The following TRIM48 variants were observed in gnomAD, a reference collection of about 807,000 sequenced individuals.
TRIM48 encodes the protein tripartite motif containing 48, also known as E3 ubiquitin-protein ligase TRIM48.
In TRIM48, 31 loss-of-function variants were observed where a neutral mutation model predicts 29.5. The ratio of observed to expected loss-of-function variants is 1.05; its 90% confidence interval spans 0.79 to 1.42. The LOEUF (loss-of-function observed/expected upper bound fraction) is 1.42. TRIM48 is among the 40% of genes most tolerant of loss of function. The pLI is 0.00. For missense variants in TRIM48, 344 were observed against 265.0 expected, an observed-to-expected ratio of 1.30 and a Z score of -2.07; for synonymous variants, 128 against 90.6, an observed-to-expected ratio of 1.41 and a Z score of -2.34.
In TRIM48 at chr11:55,270,791, C is replaced by T. The variant is rs753881070; in HGVS notation, c.*356C>T. 1.0e-4 allele frequency: 163 copies of T among 1,575,388 alleles called. 17 individuals are homozygous for T. The highest frequency in any genetic ancestry group is 1.2e-4 in the Non-Finnish European group (144 of 1,158,628). On this transcript the variant is annotated 3_prime_UTR_variant, in exon 6 of 6. Coordinates refer to ENST00000417545, the MANE Select transcript of TRIM48 (RefSeq NM_024114.5). The stretch of plus-strand genomic sequence containing the variant: ...ATTACACTGCAGTATGTCCCAAGAC[C>T]TACCAACCATGTAGAATTATTCCTG...
chr11:55,264,560 G>A (rs1304395748), intron 1 of TRIM48, among the ~76,000 whole-genome samples: 2 of 147,694 alleles, frequency 1.4e-5, no homozygotes, highest in African/African-American at 4.9e-5. Context: ...TCATATGAAA[G>A]AAGAATAGGA....
In TRIM48 at chr11:55,271,107, C is replaced by T. The variant is rs547733044; in HGVS notation, c.*672C>T. The T allele has an allele frequency of 3.5e-6, 3 of 848,464 alleles. No individual in the cohort carries two copies. Among genetic ancestry groups the T allele is most frequent in the Non-Finnish European group, 5.0e-6 (3 of 601,424 alleles). The allele number at this position is 848,464 out of a possible 1,614,324, so 52.6% of individuals were successfully genotyped here. ...GTGTTACTATTAAATGTAGTAAAAA[C>T]ACTAAAAGTATATATATTGGTTCTT... On this transcript the variant is annotated 3_prime_UTR_variant, in exon 6 of 6. Coordinates refer to ENST00000417545, the MANE Select transcript of TRIM48 (RefSeq NM_024114.5).
chr11:55,263,413 G>A (rs1349036290), intron 1 of TRIM48, among the ~76,000 whole-genome samples: 1 of 152,018 alleles, frequency 6.6e-6, no homozygotes, highest in Non-Finnish European at 1.5e-5. Context: ...AGCACTTTTG[G>A]AGGCCGTGGC....
intron 3 of TRIM48, among the ~76,000 whole-genome samples, chr11:55,268,105 C>T (rs1477074336): frequency 6.8e-6 from 1 of 147,682 alleles, no homozygotes; most frequent in Non-Finnish European, 1.5e-5. Context: ...AGCATAGACT[C>T]TCTGGGCTTC....
At chr11:55,266,264 A>T (rs1453736290) in intron 3 of TRIM48, among the ~76,000 whole-genome samples, 2 of 147,762 alleles carry the variant, frequency 1.4e-5, no homozygotes, top group African/African-American at 4.9e-5. Context: ...AGACATGCAA[A>T]CATGCCCAAA....
Position 55,270,504 on chromosome 11 carries a change from T to A in TRIM48, c.*69T>A, listed in dbSNP as rs1433927300. Reference sequence around the variant, plus strand: ...TCCGATGTGGAGATTTGAGAAGCATTTGTATTGGATGTGACCGTCAAAATC... The same window carrying A: ...TCCGATGTGGAGATTTGAGAAGCATATGTATTGGATGTGACCGTCAAAATC... On this transcript the variant is annotated 3_prime_UTR_variant, in exon 6 of 6. Transcript: ENST00000417545. 3.8e-6 allele frequency: 6 copies of A among 1,576,288 alleles called. 1 individual carries two copies. Among genetic ancestry groups the A allele is most frequent in the Non-Finnish European group, 8.6e-7 (1 of 1,161,326 alleles).
intron 5 of TRIM48, among the ~76,000 whole-genome samples, chr11:55,269,602 A>G (rs1469569511): frequency 1.4e-5 from 2 of 147,588 alleles, no homozygotes; most frequent in Non-Finnish European, 3.0e-5. Context: ...TAGCAAATCT[A>G]AAAAAGGAGC....
chr11:55,263,908 C>A (rs1258228280), intron 1 of TRIM48, among the ~76,000 whole-genome samples: 2 of 152,152 alleles, frequency 1.3e-5, no homozygotes, highest in African/African-American at 4.8e-5. Context: ...TGCCTTTCCT[C>A]TGGCCTTTTC....
chr11:55,268,455 A>G lies in TRIM48; in HGVS notation c.578+83A>G. 2.2e-6 allele frequency: 3 copies of G among 1,341,666 alleles called. 1 individual carries two copies. The East Asian group carries it at 8.0e-5, about 36-fold the overall frequency. The allele number at this position is 1,341,666 out of a possible 1,614,324, so 83.1% of individuals were successfully genotyped here. A position where few individuals can be genotyped will look rare whatever the true frequency, so the allele number is the denominator to read the frequency against. On this transcript the variant is annotated intron_variant, in intron 4 of 5. Transcript: ENST00000417545. ...AGGCTCTACCAAAGTCATGGCATAA[A>G]CGATTAAGATATTGATACTATTTTT...
At position 55,269,973 on chromosome 11, in the gene TRIM48, T is replaced by A. The variant is rs181220726; in HGVS notation, c.*2-464T>A. Among the ~76,000 whole-genome samples the A allele has an allele frequency of 1.6e-4, 24 of 148,144 alleles. 1 individual carries two copies. Among genetic ancestry groups the A allele is most frequent in the African/African-American group, 5.2e-4 (21 of 40,644 alleles). ...GGTAAAAGATTTTGCAGAAATCTGC[T>A]TCAAATGATCACTTATGACATGTAC... On this transcript the variant is annotated intron_variant, in intron 5 of 5. Transcript: ENST00000417545.
In TRIM48 at chr11:55,265,691, G is replaced by A. The variant is rs1400229867; in HGVS notation, c.551G>A (p.Trp184Ter). The change falls in exon 3 of 6, where the codon TGG becomes TAG. Residue 184 changes from tryptophan (W) to a stop codon, truncating the protein, a stop_gained. Transcript: ENST00000417545. LOFTEE classifies it high-confidence loss of function. ...GTGGAAACCACCAGAATCAGCCACT[G>A]GAAGGTTAGTCCTGTAATACCCTAC... is the stretch of plus-strand genomic sequence containing the variant. The part of the protein sequence containing the change: ...LNVETTRISH[W>*]KAFGDILYRS... 2.5e-6 allele frequency: 4 copies of A among 1,579,720 alleles called. No homozygotes were observed. Among genetic ancestry groups the A allele is most frequent in the African/African-American group, 1.4e-5 (1 of 73,062 alleles).
chr11:55,265,543 G>T lies in TRIM48; in HGVS notation c.460-57G>T. 3.9e-6 allele frequency: 6 copies of T among 1,550,976 alleles called. 1 individual carries two copies. Among genetic ancestry groups the T allele is most frequent in the African/African-American group, 1.4e-5 (1 of 72,888 alleles). On this transcript the variant is annotated intron_variant, in intron 2 of 5. Transcript: ENST00000417545. The stretch of plus-strand genomic sequence containing the variant: ...ATTCTGGGCCCCCTCCCAATGAAAC[G>T]GTCTGTATGTTACTTTATTGTCTTC...
intron 5 of TRIM48, among the ~76,000 whole-genome samples, chr11:55,270,074 C>A (rs1299657845): frequency 6.8e-6 from 1 of 147,800 alleles, no homozygotes; most frequent in Non-Finnish European, 1.5e-5. Flanking sequence ...AAAATGATGG[C>A]ACTAGTTTTT....
At position 55,265,258 on chromosome 11, in the gene TRIM48, C is replaced by G. The variant is rs1356619563; in HGVS notation, c.403C>G (p.Gln135Glu). The G allele has an allele frequency of 6.3e-7, 1 of 1,582,538 alleles. No individual in the cohort carries two copies. Residue 135 changes from glutamine to glutamate, a missense_variant, in exon 2 of 6, where the codon CAG becomes GAG. Gln to Glu is a conservative substitution (Grantham distance 29). Coordinates refer to ENST00000417545, the MANE Select transcript of TRIM48 (RefSeq NM_024114.5). ...SLLCLLCSSS[Q>E]EHRYHRHCPA... Reference sequence around the variant, plus strand: ...GCTCTGTTTGCTGTGCTCCAGCTCTCAGGAGCACCGGTATCACAGACACTG... The same window carrying G: ...GCTCTGTTTGCTGTGCTCCAGCTCTGAGGAGCACCGGTATCACAGACACTG...
In TRIM48 at chr11:55,269,346, C is replaced by T. The variant is rs1208341598; in HGVS notation, c.*1+7C>T. The T allele has an allele frequency of 2.5e-6, 4 of 1,573,048 alleles. No homozygotes were observed. The highest frequency in any genetic ancestry group is 1.4e-5 in the African/African-American group (1 of 73,518). ...AGGCTCAACCAATTCTGAGGTAAGT[C>T]TCCACCCACAGGCAGCACCCCCACT... On this transcript the variant is annotated splice_region_variant and intron_variant, in intron 5 of 5. Coordinates refer to ENST00000417545, the MANE Select transcript of TRIM48 (RefSeq NM_024114.5).
rs754370764 is a variant in TRIM48 at position 55,269,293 on chromosome 11, G to C, written c.630G>C (p.Arg210Ser). ...CCCAGCCTCTGAATCTAGCGCTCAG[G>C]GCAGGGCCCATCACTGGACTGAGGG... ...HMPQPLNLAL[R>S]AGPITGLRDR... is the part of the protein sequence containing the mutation. Residue 210 changes from arginine (R) to serine (S), a missense_variant, in exon 5 of 6, where the codon AGG (arginine) becomes AGC (serine). By Grantham distance (110) the Arg-to-Ser change is moderately radical. Coordinates refer to ENST00000417545, the MANE Select transcript of TRIM48 (RefSeq NM_024114.5). 1.3e-6 allele frequency: 2 copies of C among 1,576,144 alleles called. No homozygotes were observed. The highest frequency in any genetic ancestry group is 2.4e-5 in the South Asian group (2 of 83,652).
Position 55,270,896 on chromosome 11 carries a change from C to T in TRIM48, c.*461C>T. ...TACACCATCCCTAATTGCTCCTTCT[C>T]ACTTCCTCTCAGACCTATCTTTTTC... is the stretch of plus-strand genomic sequence containing the variant. On this transcript the variant is annotated 3_prime_UTR_variant, in exon 6 of 6. Coordinates refer to ENST00000417545, the MANE Select transcript of TRIM48 (RefSeq NM_024114.5). 4 of 1,559,222 alleles carry T rather than the reference C, an allele frequency of 2.6e-6. No individual in the cohort carries two copies. Among genetic ancestry groups the T allele is most frequent in the Middle Eastern group, 2.0e-4 (1 of 5,086 alleles).
In TRIM48 at chr11:55,265,166, C is replaced by T. The variant is rs561218061; in HGVS notation, c.311C>T (p.Ser104Phe). 5 of 1,582,744 alleles carry T rather than the reference C, an allele frequency of 3.2e-6. 1 individual carries two copies. In the South Asian group the frequency reaches 4.8e-5, roughly 15 times the overall value. ...GCCAGTCTCTGGCTATTCCTGAGCTCTGAGGAGCAAATGTGTGGCATTCAC... is the reference window on the plus strand; with the variant it reads ...GCCAGTCTCTGGCTATTCCTGAGCTTTGAGGAGCAAATGTGTGGCATTCAC... ...RKASLWLFLS[S>F]EEQMCGIHRE... The change falls in exon 2 of 6, where the codon TCT becomes TTT. Residue 104 changes from serine to phenylalanine, a missense_variant. Coordinates refer to ENST00000417545, the MANE Select transcript of TRIM48 (RefSeq NM_024114.5).
At chr11:55,263,173 T>A (rs1324657871) in intron 1 of TRIM48, among the ~76,000 whole-genome samples, 1 of 152,136 alleles carries the variant, frequency 6.6e-6, no homozygotes, top group Non-Finnish European at 1.5e-5. Flanking sequence ...TTACTGCACC[T>A]TTTCTGTATT....
Sources: gnomAD v4.1 joint callset for allele counts (sites outside exome capture counted in the v4.1 genomes callset) on GRCh38, gnomAD v4.1.1 for gene constraint, MANE v1.5 for transcripts, NCBI Gene and HGNC (gene_info 2026-07-23, HGNC 2026-07-21) for gene names.